ERBB4: variants seen among roughly 807,000 people sequenced by gnomAD.
The protein encoded by ERBB4 is erb-b2 receptor tyrosine kinase 4, also known as receptor tyrosine-protein kinase erbB-4.
A neutral mutation model predicts 158.0 loss-of-function variants in ERBB4; 42 were observed. That is an observed-to-expected ratio of 0.27 (90% CI 0.21 to 0.34). ERBB4 has a LOEUF of 0.34. Ranked by LOEUF, ERBB4 falls within the 10% of genes least tolerant of loss-of-function variation. The probability of loss-of-function intolerance (pLI) is 1.00; values close to 1 mark genes in which losing one functional copy is unlikely to be tolerated. For missense variants in ERBB4, 1,333 were observed against 1,624.1 expected, an observed-to-expected ratio of 0.82 and a Z score of 3.08; for synonymous variants, 583 against 558.7, an observed-to-expected ratio of 1.04 and a Z score of -0.61.
chr2:212,403,302 G>T (rs952889781), intron 1 of ERBB4, among the ~76,000 whole-genome samples: 2 of 151,922 alleles, frequency 1.3e-5, no homozygotes, highest in Non-Finnish European at 2.9e-5. Context: ...GAGATTTCTC[G>T]ATTTAAAAGC....
intron 2 of ERBB4, among the ~76,000 whole-genome samples, chr2:211,972,293 AG>A (rs2081476163): frequency 6.6e-6 from 1 of 152,270 alleles, no homozygotes; most frequent in South Asian, 2.1e-4. Context: ...GCTCATGGAT[AG>A]GAAGAATCAA....
rs181215593 is a variant in ERBB4, at chr2:211,912,312, C to T, written c.421+35118G>A. On this transcript the variant is annotated intron_variant, in intron 3 of 27. Coordinates refer to ENST00000342788, the MANE Select transcript of ERBB4 (RefSeq NM_005235.3). ...ATTTGGAAGAGGATGTTGCACAATT[C>T]AGCTTCATGGCTTTAATTTGGGGGG... Among the ~76,000 whole-genome samples, 15 of 152,044 alleles carry T rather than the reference C, an allele frequency of 9.9e-5. 1 individual carries two copies. The highest frequency in any genetic ancestry group is 8.3e-4 in the South Asian group (4 of 4,822).
At position 211,393,690 on chromosome 2, in the gene ERBB4, C is replaced by T. The variant is rs187411076; in HGVS notation, c.3136-5698G>A. Among the ~76,000 whole-genome samples the T allele has an allele frequency of 3.6e-4, 54 of 151,224 alleles. 1 individual carries two copies. The highest frequency in any genetic ancestry group is 1.3e-3 in the African/African-American group (52 of 41,094). On this transcript the variant is annotated intron_variant, in intron 25 of 27. Coordinates refer to ENST00000342788, the MANE Select transcript of ERBB4 (RefSeq NM_005235.3). The stretch of plus-strand genomic sequence containing the variant: ...CACTTATTTTCACTTAAATTAGTTA[C>T]AAGGACATAAACTGGAAAGAAGGAA...
intron 16 of ERBB4, among the ~76,000 whole-genome samples, chr2:211,655,169 C>T (rs995962790): frequency 1.3e-5 from 2 of 152,008 alleles, no homozygotes; most frequent in Non-Finnish European, 2.9e-5. Flanking sequence ...CAGTGGCCAA[C>T]ATTGTAATTG....
chr2:212,347,849 T>C (rs573395051), intron 1 of ERBB4, among the ~76,000 whole-genome samples: 54 of 152,190 alleles, frequency 3.5e-4, no homozygotes, highest in African/African-American at 1.3e-3. Flanking sequence ...TAAGTTTTAG[T>C]GGTCTGGTCT....
chr2:212,267,331 T>G (rs1457387890), intron 1 of ERBB4, among the ~76,000 whole-genome samples: 1 of 151,944 alleles, frequency 6.6e-6, no homozygotes, highest in Non-Finnish European at 1.5e-5. Flanking sequence ...TAGGGAATAT[T>G]ACTGCATACT....
chr2:211,623,037 A>G (rs1348931604), intron 18 of ERBB4, among the ~76,000 whole-genome samples: 1 of 107,340 alleles, frequency 9.3e-6, no homozygotes, highest in East Asian at 2.8e-4. Flanking sequence ...ATATATATAT[A>G]TATATATAAA....
intron 20 of ERBB4, among the ~76,000 whole-genome samples, chr2:211,503,661 T>G (rs2065672721): frequency 6.6e-6 from 1 of 152,268 alleles, no homozygotes; most frequent in Middle Eastern, 3.4e-3. Context: ...TCAGGCCTGC[T>G]TCTTGGGCTG....
At chr2:212,526,883 T>C (rs1381651316) in intron 1 of ERBB4, among the ~76,000 whole-genome samples, 2 of 152,064 alleles carry the variant, frequency 1.3e-5, no homozygotes, top group African/African-American at 2.4e-5. Context: ...ATTATCAGAG[T>C]AAACGTGTAT....
intron 2 of ERBB4, among the ~76,000 whole-genome samples, chr2:212,011,084 C>A (rs2076375436): frequency 6.6e-6 from 1 of 152,090 alleles, no homozygotes; most frequent in Admixed American, 6.6e-5. Flanking sequence ...ACATGTTTTA[C>A]AATCAATTTG....
chr2:212,194,204 T>C (rs1337159988), intron 1 of ERBB4, among the ~76,000 whole-genome samples: 5 of 150,828 alleles, frequency 3.3e-5, no homozygotes, highest in Non-Finnish European at 5.9e-5. Context: ...AGAACAAAGG[T>C]AGAGAAAGAG....
chr2:211,724,450 G>T (rs2074202624), intron 6 of ERBB4, among the ~76,000 whole-genome samples: 1 of 149,796 alleles, frequency 6.7e-6, no homozygotes, highest in African/African-American at 2.5e-5. Flanking sequence ...AAACATTTGT[G>T]TATTTTTACG....
At chr2:212,076,884 T>C (rs2078291328) in intron 2 of ERBB4, among the ~76,000 whole-genome samples, 1 of 151,974 alleles carries the variant, frequency 6.6e-6, no homozygotes. Context: ...CATATATTTG[T>C]AATTTATGTA....
intron 1 of ERBB4, among the ~76,000 whole-genome samples, chr2:212,215,607 A>G (rs1574451934): frequency 6.6e-6 from 1 of 151,356 alleles, no homozygotes; most frequent in African/African-American, 2.4e-5. Context: ...TTTTATAGTA[A>G]TTTTCCATCT....
intron 1 of ERBB4, among the ~76,000 whole-genome samples, chr2:212,477,634 T>C (rs1311511323): frequency 1.3e-5 from 2 of 152,228 alleles, no homozygotes; most frequent in Non-Finnish European, 2.9e-5. Flanking sequence ...CCTTCTTGAA[T>C]ATTTCCACTT....
intron 1 of ERBB4, among the ~76,000 whole-genome samples, chr2:212,179,660 CT>C (rs1308877167): frequency 6.6e-6 from 1 of 151,514 alleles, no homozygotes; most frequent in Non-Finnish European, 1.5e-5. Context: ...TTGTAAACTG[CT>C]GTTTACAAGT....
chr2:211,673,616 A>G (rs2105940686), intron 13 of ERBB4, among the ~76,000 whole-genome samples: 1 of 151,102 alleles, frequency 6.6e-6, no homozygotes, highest in South Asian at 2.1e-4. Flanking sequence ...CTTTATATAC[A>G]ATTTTACTCT....
At chr2:211,744,125 T>C (rs2074884159) in intron 5 of ERBB4, among the ~76,000 whole-genome samples, 1 of 152,184 alleles carries the variant, frequency 6.6e-6, no homozygotes, top group East Asian at 1.9e-4. Context: ...ATATTTCATA[T>C]GTTAGGAAAA....
chr2:212,346,987 T>C (rs927294904), intron 1 of ERBB4, among the ~76,000 whole-genome samples: 6 of 152,140 alleles, frequency 3.9e-5, no homozygotes, highest in Non-Finnish European at 7.4e-5. Context: ...GTTTCTGATA[T>C]ATGAATTAGC....
Sources: gnomAD v4.1 joint callset for allele counts (sites outside exome capture counted in the v4.1 genomes callset) on GRCh38, gnomAD v4.1.1 for gene constraint, MANE v1.5 for transcripts, NCBI Gene and HGNC (gene_info 2026-07-23, HGNC 2026-07-21) for gene names.